Variants in FNBP1L observed in about 807,000 individuals in gnomAD.
The protein encoded by FNBP1L is formin-binding protein 1-like.
Under a neutral mutation model 91.2 loss-of-function variants are expected in FNBP1L, and 36 were observed. The observed-to-expected ratio is 0.39, with a 90% CI of 0.30 to 0.52. The LOEUF (loss-of-function observed/expected upper bound fraction) is 0.52, where lower values mean the gene tolerates loss of function less well. Among genes scored for constraint, FNBP1L ranks in the 20% least tolerant of loss-of-function variants. The probability of loss-of-function intolerance (pLI) is 0.66; values close to 1 mark genes in which losing one functional copy is unlikely to be tolerated. For synonymous variants in FNBP1L, 242 were observed against 237.0 expected (o/e 1.02, Z -0.19); for missense variants, 571 against 732.1 (o/e 0.78, Z 2.54).
chr1:93,541,964 A>C lies in FNBP1L; in HGVS notation c.1164+908A>C, dbSNP rs539051667. 4.3e-3 allele frequency among the ~76,000 whole-genome samples: 651 copies of C among 152,302 alleles called. 7 individuals carry two copies. Among genetic ancestry groups the C allele is most frequent in the Non-Finnish European group, 5.3e-3 (360 of 68,026 alleles). ...GGATAAGTGGAATTCTGGCAGATTT[A>C]CTTGTAGGTTATTGTGAGTTTATCA... is the stretch of plus-strand genomic sequence containing the variant. On this transcript the variant is annotated intron_variant, in intron 11 of 16. Coordinates refer to ENST00000271234, the MANE Select transcript of FNBP1L (RefSeq NM_001164473.3).
At chr1:93,546,730 G>A (rs237425) in intron 12 of FNBP1L, 112 bp from the exon 13 acceptor site, 911,875 of 1,098,556 alleles carry the variant, frequency 0.83, 380,533 homozygotes, top group East Asian at 1. Context: ...TTAAAAAGAT[G>A]TGACTCTACT....
At chr1:93,527,641 A>G (rs559529706) in intron 5 of FNBP1L, among the ~76,000 whole-genome samples, 2 of 152,226 alleles carry the variant, frequency 1.3e-5, no homozygotes, top group East Asian at 3.9e-4. Flanking sequence ...CAAGGAAACG[A>G]ACTCCCTGGC....
At chr1:93,492,122 A>G (rs1220587375) in intron 1 of FNBP1L, among the ~76,000 whole-genome samples, 1 of 152,220 alleles carries the variant, frequency 6.6e-6, no homozygotes, top group Non-Finnish European at 1.5e-5. Context: ...GATTTTGAGT[A>G]CTGGAGAAAA....
chr1:93,448,122 G>C lies in FNBP1L; in HGVS notation c.-160G>C, dbSNP rs189874416. On this transcript the variant is annotated 5_prime_UTR_variant, in exon 1 of 17. Transcript: ENST00000271234. ...GTCGGCGGCGGAGGCTTCTCCAGTC[G>C]CGTCTTTCTCACTCACTGGGGAGCC... is the stretch of plus-strand genomic sequence containing the variant. 2,022 of 871,854 alleles carry C rather than the reference G, an allele frequency of 2.3e-3. 26 individuals carry two copies. In the African/African-American group the frequency reaches 0.033, roughly 14 times the overall value. The allele number at this position is 871,854 out of a possible 1,614,324, so 54.0% of individuals were successfully genotyped here. A position where few individuals can be genotyped will look rare whatever the true frequency, so the allele number is the denominator to read the frequency against.
At chr1:93,476,405 CA>C (rs1669496178) in intron 1 of FNBP1L, among the ~76,000 whole-genome samples, 1 of 152,104 alleles carries the variant, frequency 6.6e-6, no homozygotes, top group Non-Finnish European at 1.5e-5. Flanking sequence ...TAAAAGCACT[CA>C]ACACAGTGCT....
rs534587208 is a variant in FNBP1L at position 93,534,812 on chromosome 1, T to C, written c.894T>C (p.Thr298=). 478 of 1,575,084 alleles carry C rather than the reference T, an allele frequency of 3.0e-4. 5 individuals carry two copies. In the South Asian group the frequency reaches 5.1e-3, roughly 17 times the overall value. ...TATATAGAACCATTTCTGATGGGAC[T>C]ATCAGTGCATCCAAACAGGAGAGTG... is the stretch of plus-strand genomic sequence containing the variant. ...QHIYRTISDG[T]ISASKQESGK... Residue 298 remains threonine (T), a synonymous_variant, in exon 9 of 17, where the codon ACT becomes ACC. Coordinates refer to ENST00000271234, the MANE Select transcript of FNBP1L (RefSeq NM_001164473.3).
chr1:93,519,248 TTAC>T (rs1671235918), intron 2 of FNBP1L, among the ~76,000 whole-genome samples: 2 of 152,216 alleles, frequency 1.3e-5, no homozygotes, highest in South Asian at 4.1e-4. Context: ...ACTTTTCACG[TTAC>T]TACTTGCAAT....
At chr1:93,542,595 G>T (rs934797467) in intron 11 of FNBP1L, among the ~76,000 whole-genome samples, 2 of 151,702 alleles carry the variant, frequency 1.3e-5, no homozygotes, top group Non-Finnish European at 2.9e-5. Context: ...GCTCATCCTA[G>T]GAGTGAGTTT....
At chr1:93,536,675 C>T (rs1353726769) in intron 10 of FNBP1L, among the ~76,000 whole-genome samples, 185 bp downstream of exon 10, 1 of 151,944 alleles carries the variant, frequency 6.6e-6, no homozygotes, top group Non-Finnish European at 1.5e-5. Context: ...AATGCTCAAC[C>T]ATAAAAGAAT....
chr1:93,522,770 A>G (rs1489187296), intron 3 of FNBP1L, among the ~76,000 whole-genome samples: 4 of 152,168 alleles, frequency 2.6e-5, no homozygotes, highest in South Asian at 2.1e-4. Flanking sequence ...AAGTAGATAT[A>G]TACATTAATA....
intron 2 of FNBP1L, 32 bp from the exon 3 acceptor site, chr1:93,522,050 T>G (rs1363848029): frequency 1.4e-6 from 2 of 1,388,906 alleles, no homozygotes; most frequent in East Asian, 5.3e-5. Flanking sequence ...GTTGAAATTT[T>G]TAATAAACTT....
At chr1:93,546,537 T>C (rs1171599182) in intron 12 of FNBP1L, among the ~76,000 whole-genome samples, 1 of 152,090 alleles carries the variant, frequency 6.6e-6, no homozygotes, top group Non-Finnish European at 1.5e-5. Flanking sequence ...AGAATATTCT[T>C]CCAGCCCTTG....
Position 93,448,250 on chromosome 1 carries a change from G to T in FNBP1L, c.-32G>T. On this transcript the variant is annotated 5_prime_UTR_variant, in exon 1 of 17. Coordinates refer to ENST00000271234, the MANE Select transcript of FNBP1L (RefSeq NM_001164473.3). ...TGTGGAGCCGACAGACTGAAGGACA[G>T]CGGCACCGCCAGACGGCCAGAAAGT... 1 of 1,520,914 alleles carries T rather than the reference G, an allele frequency of 6.6e-7. No homozygotes were observed. Among genetic ancestry groups the T allele is most frequent in the Non-Finnish European group, 8.8e-7 (1 of 1,134,026 alleles). The allele number at this position is 1,520,914 out of a possible 1,614,324, so 94.2% of individuals were successfully genotyped here.
rs555174227 is a variant in FNBP1L, at chr1:93,518,384, A to G, written c.141-3698A>G. 6.8e-4 allele frequency among the ~76,000 whole-genome samples: 103 copies of G among 152,308 alleles called. 1 individual carries two copies. Among genetic ancestry groups the G allele is most frequent in the Non-Finnish European group, 1.1e-3 (77 of 68,014 alleles). On this transcript the variant is annotated intron_variant, in intron 2 of 16. Coordinates refer to ENST00000271234, the MANE Select transcript of FNBP1L (RefSeq NM_001164473.3). ...CCACATCTGTATACAAAACAATTTT[A>G]TAAAGTAGTCACAAGACAGGGCTTC...
At chr1:93,461,046 C>G (rs1347284330) in intron 1 of FNBP1L, among the ~76,000 whole-genome samples, 1 of 151,872 alleles carries the variant, frequency 6.6e-6, no homozygotes, top group African/African-American at 2.4e-5. Flanking sequence ...GTTTTGGTTT[C>G]TGTCTTTCAT....
chr1:93,540,768 A>T (rs1002829969), intron 10 of FNBP1L, among the ~76,000 whole-genome samples: 1 of 152,086 alleles, frequency 6.6e-6, no homozygotes, highest in Non-Finnish European at 1.5e-5. Context: ...AAGAAAATGC[A>T]TGATTACAGG....
Position 93,534,878 on chromosome 1 carries a change from C to A in FNBP1L, c.960C>A (p.Gly320=). ...DAKTTVGKAK[G]KLWLFGKKPK... Reference sequence around the variant, plus strand: ...AAACCACAGTAGGAAAGGCCAAGGGCAAATTGTGGCTCTTTGGAAAGAAGC... The same window carrying A: ...AAACCACAGTAGGAAAGGCCAAGGGAAAATTGTGGCTCTTTGGAAAGAAGC... The change falls in exon 9 of 17, where the codon GGC becomes GGA. Residue 320 remains glycine, a synonymous_variant. Transcript: ENST00000271234. 1 of 1,574,764 alleles carries A rather than the reference C, an allele frequency of 6.4e-7. No homozygotes were observed. Among genetic ancestry groups the A allele is most frequent in the East Asian group, 2.3e-5 (1 of 43,014 alleles).
chr1:93,507,516 G>T (rs1455934824), intron 2 of FNBP1L, among the ~76,000 whole-genome samples: 1 of 152,196 alleles, frequency 6.6e-6, no homozygotes, highest in Non-Finnish European at 1.5e-5. Flanking sequence ...GCAAAGCAGG[G>T]ATTTGCGGGA....
intron 1 of FNBP1L, among the ~76,000 whole-genome samples, chr1:93,481,061 T>C (rs1669685101): frequency 6.6e-6 from 1 of 152,184 alleles, no homozygotes; most frequent in Non-Finnish European, 1.5e-5. Flanking sequence ...TGTGTTACCA[T>C]AGACATTTTC....
Sources: gnomAD v4.1 joint callset for allele counts (sites outside exome capture counted in the v4.1 genomes callset) on GRCh38, gnomAD v4.1.1 for gene constraint, MANE v1.5 for transcripts, NCBI Gene and HGNC (gene_info 2026-07-23, HGNC 2026-07-21) for gene names.